FRS2: variants seen among roughly 807,000 people sequenced by gnomAD.
FRS2 encodes the protein FGFR signalling adaptor.
A neutral mutation model predicts 43.9 loss-of-function variants in FRS2; 8 were observed. The observed-to-expected ratio is 0.18, with a 90% CI of 0.11 to 0.33. The LOEUF is 0.33. FRS2 is among the 10% of genes least tolerant of loss of function. The probability of loss-of-function intolerance (pLI) is 1.00; values close to 1 mark genes in which losing one functional copy is unlikely to be tolerated. For synonymous variants in FRS2, 219 were observed against 220.3 expected, an observed-to-expected ratio of 0.99 and a Z score of 0.05; for missense variants, 534 against 627.6, an observed-to-expected ratio of 0.85 and a Z score of 1.59.
chr12:69,478,738 GT>G, intron 1 of FRS2, among the ~76,000 whole-genome samples: 3 of 146,268 alleles, frequency 2.1e-5, no homozygotes, highest in African/African-American at 8.2e-5. Context: ...GTGTGTGTGT[GT>G]GTGTGTGTGT....
intron 1 of FRS2, among the ~76,000 whole-genome samples, chr12:69,504,539 A>C (rs540442467): frequency 1.3e-5 from 2 of 152,274 alleles, no homozygotes; most frequent in Admixed American, 6.5e-5. Context: ...ATCCCTTCAC[A>C]AGTCAAGGAA....
chr12:69,485,988 A>G (rs1336426078), intron 1 of FRS2, among the ~76,000 whole-genome samples: 1 of 152,112 alleles, frequency 6.6e-6, no homozygotes, highest in Non-Finnish European at 1.5e-5. Flanking sequence ...CTTTTTCCCT[A>G]TAGGGTCAAG....
chr12:69,478,416 A>T (rs1871035938), intron 1 of FRS2, among the ~76,000 whole-genome samples: 1 of 152,100 alleles, frequency 6.6e-6, no homozygotes, highest in South Asian at 2.1e-4. Context: ...ATTTAATTTT[A>T]ATTAATTTAA....
At chr12:69,494,523 G>A (rs946817347) in intron 1 of FRS2, among the ~76,000 whole-genome samples, 3 of 152,176 alleles carry the variant, frequency 2.0e-5, no homozygotes, top group Non-Finnish European at 4.4e-5. Context: ...TTAAACTGGG[G>A]CTTCTAAATG....
At chr12:69,512,682 C>G (rs1874574062) in intron 1 of FRS2, among the ~76,000 whole-genome samples, 1 of 152,112 alleles carries the variant, frequency 6.6e-6, no homozygotes, top group South Asian at 2.1e-4. Context: ...TAGCCCTTGG[C>G]ACATATGCAA....
intron 1 of FRS2, among the ~76,000 whole-genome samples, chr12:69,489,458 T>G (rs1872253856): frequency 6.6e-6 from 1 of 152,068 alleles, no homozygotes; most frequent in Non-Finnish European, 1.5e-5. Context: ...TTGCTTGAGC[T>G]CAGGAGTTCA....
chr12:69,520,954 G>C (rs531797942), intron 1 of FRS2, among the ~76,000 whole-genome samples: 1 of 151,984 alleles, frequency 6.6e-6, no homozygotes, highest in South Asian at 2.1e-4. Context: ...TTCTAGTTCT[G>C]TAAAGAATGT....
chr12:69,532,377 A>G (rs1593002359), intron 3 of FRS2, among the ~76,000 whole-genome samples: 2 of 152,190 alleles, frequency 1.3e-5, no homozygotes, highest in Middle Eastern at 3.4e-3. Context: ...TTTATCTTTT[A>G]CTCAGTGGAC....
intron 1 of FRS2, among the ~76,000 whole-genome samples, chr12:69,530,416 A>C (rs1876675196): frequency 6.6e-6 from 1 of 151,984 alleles, no homozygotes; most frequent in South Asian, 2.1e-4. Context: ...AGCTCTGTTA[A>C]TAATGTTTTT....
intron 1 of FRS2, among the ~76,000 whole-genome samples, chr12:69,499,509 C>T (rs1265980860): frequency 6.6e-6 from 1 of 152,132 alleles, no homozygotes; most frequent in Non-Finnish European, 1.5e-5. Context: ...AAATCTGTCC[C>T]ATATCATGTG....
At chr12:69,552,778 G>A (rs985649530) in intron 3 of FRS2, among the ~76,000 whole-genome samples, 1 of 151,990 alleles carries the variant, frequency 6.6e-6, no homozygotes, top group African/African-American at 2.4e-5. Flanking sequence ...TGTAATTCCA[G>A]CTACTTGAGA....
At chr12:69,488,589 G>A (rs555398348) in intron 1 of FRS2, among the ~76,000 whole-genome samples, 33 of 152,014 alleles carry the variant, frequency 2.2e-4, no homozygotes, top group Non-Finnish European at 4.6e-4. Flanking sequence ...AGCAGAACCC[G>A]CAATATCTTT....
At chr12:69,558,755 T>C (rs926181883) in intron 3 of FRS2, among the ~76,000 whole-genome samples, 1 of 152,222 alleles carries the variant, frequency 6.6e-6, no homozygotes, top group Admixed American at 6.5e-5. Context: ...CATTTTCTTG[T>C]CTGTCTCTCC....
intron 3 of FRS2, among the ~76,000 whole-genome samples, chr12:69,560,157 A>G (rs1879761884): frequency 6.6e-6 from 1 of 152,234 alleles, no homozygotes; most frequent in South Asian, 2.1e-4. Flanking sequence ...GATGTGCTTA[A>G]GTTCTAGATT....
At chr12:69,572,372 GTTTAAC>G (rs878913006) in intron 8 of FRS2, 91 bp downstream of exon 8, 9 of 997,042 alleles carry the variant, frequency 9.0e-6, no homozygotes, top group Admixed American at 4.2e-5. Flanking sequence ...TCAGCTTGAA[GTTTAAC>G]TTTATCTGTT....
In FRS2 at chr12:69,578,938, A is replaced by G. The variant is rs996181521; in HGVS notation, c.*3983A>G. The G allele has an allele frequency of 3.3e-5, 5 of 152,676 alleles. No homozygotes were observed. Among genetic ancestry groups the G allele is most frequent in the South Asian group, 2.1e-4 (1 of 4,832 alleles). 9.5% of individuals were successfully genotyped at this position (152,676 alleles called of 1,614,324 possible). ...TTCCATATTTCTCTAATAAAAAGAC[A>G]TAAGTGATACTGTACTATGCATACA... is the stretch of plus-strand genomic sequence containing the variant. On this transcript the variant is annotated 3_prime_UTR_variant, in exon 9 of 9. Coordinates refer to ENST00000549921, the MANE Select transcript of FRS2 (RefSeq NM_001278356.2).
chr12:69,526,738 T>G (rs575242105), intron 1 of FRS2, among the ~76,000 whole-genome samples: 109 of 152,254 alleles, frequency 7.2e-4, no homozygotes, highest in African/African-American at 2.3e-3. Flanking sequence ...TTTTTTTTTT[T>G]TTTGAGACAG....
At chr12:69,474,738 T>C (rs1870615514) in intron 1 of FRS2, among the ~76,000 whole-genome samples, 2 of 152,238 alleles carry the variant, frequency 1.3e-5, no homozygotes, top group South Asian at 4.1e-4. Context: ...CTTTTGGACA[T>C]TTGTTTGGCA....
intron 1 of FRS2, among the ~76,000 whole-genome samples, chr12:69,483,713 A>G (rs1871560503): frequency 6.6e-6 from 1 of 152,230 alleles, no homozygotes; most frequent in Non-Finnish European, 1.5e-5. Flanking sequence ...AATTAAGCTT[A>G]AAAAGAGAAA....
Sources: allele counts gnomAD v4.1 joint callset (sites outside exome capture counted in the v4.1 genomes callset), GRCh38; gene constraint gnomAD v4.1.1; transcripts MANE v1.5; gene names NCBI Gene and HGNC (gene_info 2026-07-23, HGNC 2026-07-21).